Variants in PRELID2 observed in about 807,000 individuals in gnomAD.
PRELID2 encodes the protein PRELI domain-containing protein 2.
A neutral mutation model predicts 28.4 loss-of-function variants in PRELID2; 25 were observed. The ratio of observed to expected loss-of-function variants is 0.88; its 90% CI spans 0.64 to 1.23. The LOEUF is 1.23. PRELID2 is among the 50% of genes most tolerant of loss of function. The pLI is 0.00. For synonymous variants in PRELID2, 76 were observed against 71.6 expected (o/e 1.06, Z -0.31); for missense variants, 201 against 214.4 (o/e 0.94, Z 0.39).
At chr5:145,422,896 G>A in the PRELID2 span, among the ~76,000 whole-genome samples, 1 of 151,856 alleles carries the variant, frequency 6.6e-6, no homozygotes, top group Non-Finnish European at 1.5e-5. Flanking sequence ...TCCATGTTTA[G>A]TGCTTCCTTC....
At chr5:145,387,467 C>T in the PRELID2 span, among the ~76,000 whole-genome samples, 1 of 152,282 alleles carries the variant, frequency 6.6e-6, no homozygotes, top group East Asian at 1.9e-4. Context: ...ATATCTTTGA[C>T]ACTTGACCCA....
chr5:145,716,649 T>G (rs1426960317), intron 1 of PRELID2, among the ~76,000 whole-genome samples: 1 of 152,172 alleles, frequency 6.6e-6, no homozygotes, highest in Non-Finnish European at 1.5e-5. Flanking sequence ...TTCACACAGT[T>G]GCAACCAAAG....
At chr5:145,748,743 A>C (rs1252114333) in intron 1 of PRELID2, among the ~76,000 whole-genome samples, 2 of 152,218 alleles carry the variant, frequency 1.3e-5, no homozygotes, top group African/African-American at 4.8e-5. Context: ...GGCTACAATA[A>C]CCAAAACAGC....
intron 1 of PRELID2, among the ~76,000 whole-genome samples, chr5:145,617,058 C>G (rs572491087): frequency 1.8e-4 from 27 of 152,342 alleles, no homozygotes; most frequent in Non-Finnish European, 3.4e-4. Context: ...AAATATGGCT[C>G]TGTTCCACCC....
chr5:145,741,303 AATAAT>A lies in PRELID2; in HGVS notation n.70+23623_70+23627del, dbSNP rs1382896014. Among the ~76,000 whole-genome samples, 114 of 97,762 alleles carry A rather than the reference AATAAT, an allele frequency of 1.2e-3. 1 individual carries two copies. Among genetic ancestry groups the A allele is most frequent in the African/African-American group, 4.3e-3 (103 of 23,838 alleles). 64.1% of individuals were successfully genotyped at this position (97,762 alleles called of 152,430 possible). A position where few individuals can be genotyped will look rare whatever the true frequency, so the allele number is the denominator to read the frequency against. ...TGTATATATAAATAAATTATATATA[AATAAT>A]TTATTTATAAATAAATTATTTATAT... On this transcript the variant is annotated intron_variant and non_coding_transcript_variant, in intron 1 of 2. Transcript: ENST00000510259.
At chr5:145,431,290 C>G in the PRELID2 span, among the ~76,000 whole-genome samples, 1 of 151,872 alleles carries the variant, frequency 6.6e-6, no homozygotes, top group African/African-American at 2.4e-5. Flanking sequence ...TCAGCATAGA[C>G]AATTTGAATA....
the PRELID2 span, among the ~76,000 whole-genome samples, chr5:145,311,890 T>C: frequency 2.0e-5 from 3 of 152,114 alleles, no homozygotes; most frequent in Non-Finnish European, 4.4e-5. Flanking sequence ...GGGCCCGTGG[T>C]TCCGCACTTT....
intron 1 of PRELID2, among the ~76,000 whole-genome samples, chr5:145,556,835 T>C (rs1448548073): frequency 1.3e-5 from 2 of 152,160 alleles, no homozygotes; most frequent in Non-Finnish European, 2.9e-5. Flanking sequence ...ACTTCCTCAG[T>C]CTCTAACACT....
intron 5 of PRELID2, among the ~76,000 whole-genome samples, chr5:145,792,004 G>C (rs1752428987): frequency 6.6e-6 from 1 of 152,150 alleles, no homozygotes; most frequent in South Asian, 2.1e-4. Context: ...GCCGTTTCAA[G>C]TAGCATGGCC....
chr5:145,653,171 A>G (rs1294440138), intron 1 of PRELID2, among the ~76,000 whole-genome samples: 2 of 152,240 alleles, frequency 1.3e-5, no homozygotes, highest in Non-Finnish European at 2.9e-5. Context: ...ACATAATGGT[A>G]AAGGGATCAA....
rs546426904 is a variant in PRELID2, at chr5:145,722,186, T to TA, written n.70+42744dup. Among the ~76,000 whole-genome samples the TA allele has an allele frequency of 1.7e-4, 25 of 151,478 alleles. No individual in the cohort carries two copies. The South Asian group carries it at 1.7e-3, about 10-fold the overall frequency. ...TTTACAAAATTGATCAAGTATTAGG[T>TA]AAAAAAAAATCGGTAAGTCACAAGG... On this transcript the variant is annotated intron_variant and non_coding_transcript_variant, in intron 1 of 2. Transcript: ENST00000510259.
At chr5:145,667,485 GT>G (rs1271070652) in intron 1 of PRELID2, among the ~76,000 whole-genome samples, 1 of 151,972 alleles carries the variant, frequency 6.6e-6, no homozygotes, top group Non-Finnish European at 1.5e-5. Context: ...CATTATACAG[GT>G]GAAGACACTG....
intron 1 of PRELID2, among the ~76,000 whole-genome samples, chr5:145,674,508 T>C (rs1015281370): frequency 6.6e-6 from 1 of 152,218 alleles, no homozygotes; most frequent in African/African-American, 2.4e-5. Context: ...TAATTCAGAT[T>C]CAGCATCTGA....
At chr5:145,514,061 T>C (rs1752489738) in intron 1 of PRELID2, among the ~76,000 whole-genome samples, 2 of 151,942 alleles carry the variant, frequency 1.3e-5, no homozygotes, top group African/African-American at 4.8e-5. Context: ...GTAAAGACCA[T>C]CGACACTATG....
In PRELID2 at chr5:145,586,274, C is replaced by T. The variant is rs1561511092; in HGVS notation, n.71-112959G>A. Among the ~76,000 whole-genome samples the T allele has an allele frequency of 3.3e-5, 5 of 151,884 alleles. No individual in the cohort carries two copies. In the South Asian group the frequency reaches 8.3e-4, roughly 25 times the overall value. On this transcript the variant is annotated intron_variant and non_coding_transcript_variant, in intron 1 of 2. Coordinates refer to the PRELID2 transcript ENST00000510259. ...CCCATTATCTCTACTTATATAAGTCCTAATTTCTGCATAAAACTTCTCCCA... is the reference window on the plus strand; with the variant it reads ...CCCATTATCTCTACTTATATAAGTCTTAATTTCTGCATAAAACTTCTCCCA...
chr5:145,733,854 C>T (rs1467588852), intron 1 of PRELID2, among the ~76,000 whole-genome samples: 1 of 152,066 alleles, frequency 6.6e-6, no homozygotes, highest in Non-Finnish European at 1.5e-5. Context: ...GAAGGGACTT[C>T]GCAGTTATAA....
the PRELID2 span, among the ~76,000 whole-genome samples, chr5:145,289,584 A>C: frequency 1.3e-5 from 2 of 152,210 alleles, no homozygotes; most frequent in African/African-American, 2.4e-5. Flanking sequence ...CTGTGTGGAC[A>C]TTCATTTTCA....
At chr5:145,746,196 C>T (rs1756986347) in intron 1 of PRELID2, among the ~76,000 whole-genome samples, 1 of 152,098 alleles carries the variant, frequency 6.6e-6, no homozygotes, top group Non-Finnish European at 1.5e-5. Flanking sequence ...GGGCTAAATG[C>T]CCCAATTAAA....
the PRELID2 span, among the ~76,000 whole-genome samples, chr5:145,414,796 C>A: frequency 2.0e-5 from 3 of 152,140 alleles, no homozygotes; most frequent in African/African-American, 4.8e-5. Context: ...GCACTCAATA[C>A]CTGAGTCTTG....
Sources: gnomAD v4.1 joint callset for allele counts (sites outside exome capture counted in the v4.1 genomes callset) on GRCh38, gnomAD v4.1.1 for gene constraint, MANE v1.5 for transcripts, NCBI Gene and HGNC (gene_info 2026-07-23, HGNC 2026-07-21) for gene names.